TBX5: variants seen among roughly 807,000 people sequenced by gnomAD.
The protein encoded by TBX5 is T-box transcription factor 5, also known as T-box transcription factor TBX5.
Under a neutral mutation model 51.1 loss-of-function variants are expected in TBX5, and 8 were observed. That is an observed-to-expected ratio of 0.16 (90% CI 0.09 to 0.28). TBX5 has a LOEUF of 0.28. Ranked by LOEUF, TBX5 falls within the 10% of genes least tolerant of loss-of-function variation. The pLI, the probability that TBX5 is intolerant of heterozygous loss-of-function variation, is 1.00. For synonymous variants in TBX5, 302 were observed against 266.4 expected, an observed-to-expected ratio of 1.13 and a Z score of -1.30; for missense variants, 589 against 671.7, an observed-to-expected ratio of 0.88 and a Z score of 1.36.
At chr12:114,397,623 G>T (rs1895602) in intron 5 of TBX5, among the ~76,000 whole-genome samples, 60,498 of 151,950 alleles carry the variant, frequency 0.4, 13,558 homozygotes, top group Admixed American at 0.58. Flanking sequence ...CATTCTTTTG[G>T]GTGGTGAGCA....
intron 7 of TBX5, among the ~76,000 whole-genome samples, chr12:114,370,255 A>AAAGAAAAGAAAAGAAAAGAG: frequency 1.1e-5 from 1 of 94,370 alleles, no homozygotes; most frequent in Admixed American, 1.1e-4. Context: ...AAAGAAAAGA[A>AAAGAAAAGAAAAGAAAAGAG]AAGAAAAGAA....
intron 8 of TBX5, among the ~76,000 whole-genome samples, chr12:114,364,476 G>A (rs902943838): frequency 1.3e-5 from 2 of 152,148 alleles, no homozygotes; most frequent in African/African-American, 4.8e-5. Flanking sequence ...TTAAAAATGA[G>A]GCTTGGAAAG....
chr12:114,396,908 C>T (rs1448635484), intron 5 of TBX5, among the ~76,000 whole-genome samples: 4 of 152,172 alleles, frequency 2.6e-5, no homozygotes, highest in Non-Finnish European at 5.9e-5. Context: ...GCAAAACACC[C>T]GGGTTTAACA....
chr12:114,384,798 C>T (rs1376684505), intron 7 of TBX5, among the ~76,000 whole-genome samples: 5 of 151,680 alleles, frequency 3.3e-5, no homozygotes, highest in East Asian at 1.9e-4. Context: ...ATTTCTAATT[C>T]GCTTGCCATA....
intron 7 of TBX5, among the ~76,000 whole-genome samples, chr12:114,379,133 G>T (rs756711145): frequency 6.6e-6 from 1 of 152,090 alleles, no homozygotes; most frequent in African/African-American, 2.4e-5. Flanking sequence ...TTCCGTTACC[G>T]GTAGCCCAGC....
At chr12:114,401,169 A>C (rs1017712703) in intron 3 of TBX5, among the ~76,000 whole-genome samples, 1 of 152,174 alleles carries the variant, frequency 6.6e-6, no homozygotes, top group African/African-American at 2.4e-5. Context: ...TTTCTAGCTA[A>C]AACTCTGCGA....
rs772844823 is a variant in TBX5 at position 114,399,582 on chromosome 12, G to A, written c.293C>T (p.Thr98Met). ...AATGTCCATGAGAAGAATGTACTTC[G>A]TTTTGGGATTAAGGCCCGTCACCTT... ...KVKVTGLNPK[T>M]KYILLMDIVP... Residue 98 changes from threonine to methionine, a missense_variant, in exon 4 of 9, where the codon ACG becomes ATG. Physicochemically the swap from Thr to Met is moderately conservative, Grantham distance 81. Transcript: ENST00000405440. 10 of 1,614,018 alleles carry A rather than the reference G, an allele frequency of 6.2e-6. No homozygotes were observed. Among genetic ancestry groups the A allele is most frequent in the Non-Finnish European group, 7.6e-6 (9 of 1,180,034 alleles).
intron 2 of TBX5, 41 bp from the exon 3 acceptor site, chr12:114,401,961 A>G (rs1307623679): frequency 5.7e-6 from 9 of 1,565,932 alleles, no homozygotes; most frequent in Non-Finnish European, 6.2e-6. Context: ...AAGCCCTGGC[A>G]GTAGTGGGCA....
chr12:114,392,962 C>G (rs541406405), intron 6 of TBX5, among the ~76,000 whole-genome samples: 2 of 152,154 alleles, frequency 1.3e-5, no homozygotes, highest in Non-Finnish European at 2.9e-5. Flanking sequence ...TTTCCGAGGG[C>G]AGGAAGCTCT....
intron 5 of TBX5, among the ~76,000 whole-genome samples, chr12:114,395,357 G>A (rs117458194): frequency 6.6e-6 from 1 of 152,102 alleles, no homozygotes; most frequent in Non-Finnish European, 1.5e-5. Flanking sequence ...GGATGCAAGA[G>A]AAGATATCAA....
In TBX5 at chr12:114,405,950, C is replaced by G. The variant is rs1412837052; in HGVS notation, c.-361G>C. On this transcript the variant is annotated 5_prime_UTR_variant, in exon 1 of 9. Coordinates refer to ENST00000405440, the MANE Select transcript of TBX5 (RefSeq NM_181486.4). The stretch of plus-strand genomic sequence containing the variant: ...TCAGTGCCCCGCTCCTCCTTTACAC[C>G]CCCAGGGAGGGAAAGTTGGAAGCCC... 2.0e-6 allele frequency: 2 copies of G among 985,294 alleles called. No homozygotes were observed. The highest frequency in any genetic ancestry group is 3.5e-5 in the African/African-American group (2 of 57,200). 61.0% of individuals were successfully genotyped at this position (985,294 alleles called of 1,614,324 possible).
chr12:114,404,007 A>C (rs1443054284), intron 1 of TBX5, 71 bp from the exon 2 acceptor site: 1 of 1,506,054 alleles, frequency 6.6e-7, no homozygotes, highest in Non-Finnish European at 8.9e-7. Context: ...GTTGGAGAGC[A>C]CAATTCTAGT....
intron 5 of TBX5, among the ~76,000 whole-genome samples, chr12:114,397,158 A>G (rs1871477120): frequency 6.6e-6 from 1 of 151,932 alleles, no homozygotes; most frequent in Admixed American, 6.6e-5. Context: ...CGCCCCCTTG[A>G]CCAAATTCAT....
At chr12:114,367,651 A>G (rs1869624512) in intron 7 of TBX5, among the ~76,000 whole-genome samples, 1 of 143,974 alleles carries the variant, frequency 6.9e-6, no homozygotes, top group African/African-American at 2.5e-5. Context: ...GGAAGGTTGC[A>G]GAGGAGTAGA....
chr12:114,366,399 A>G lies in TBX5; in HGVS notation c.756-8T>C. The G allele has an allele frequency of 1.2e-6, 2 of 1,613,916 alleles. No individual in the cohort carries two copies. Among genetic ancestry groups the G allele is most frequent in the Non-Finnish European group, 1.7e-6 (2 of 1,179,946 alleles). ...ACCACGGGATATTCTTTACTGAAAG[A>G]GAAAAGATGGGAGATAACGCCTATC... On this transcript the variant is annotated splice_polypyrimidine_tract_variant and splice_region_variant and intron_variant, in intron 7 of 8. Coordinates refer to ENST00000405440, the MANE Select transcript of TBX5 (RefSeq NM_181486.4).
chr12:114,376,935 G>T (rs1281644632), intron 7 of TBX5, among the ~76,000 whole-genome samples: 1 of 152,014 alleles, frequency 6.6e-6, no homozygotes, highest in African/African-American at 2.4e-5. Context: ...GGGAAAGTGG[G>T]AATGTGGCGG....
chr12:114,368,544 C>T (rs1869683547), intron 7 of TBX5, among the ~76,000 whole-genome samples: 1 of 152,198 alleles, frequency 6.6e-6, no homozygotes, highest in South Asian at 2.1e-4. Flanking sequence ...GGAGATGAAG[C>T]AACTTGTTCA....
intron 3 of TBX5, among the ~76,000 whole-genome samples, chr12:114,399,838 C>T (rs1206937704): frequency 2.0e-5 from 3 of 152,154 alleles, no homozygotes; most frequent in African/African-American, 4.8e-5. Flanking sequence ...TAACAGCAGG[C>T]GGGCAACTGT....
intron 6 of TBX5, among the ~76,000 whole-genome samples, chr12:114,387,638 T>C (rs1463683209): frequency 1.3e-5 from 2 of 151,844 alleles, no homozygotes; most frequent in African/African-American, 4.8e-5. Flanking sequence ...ACACCAAGAG[T>C]GGGCCCTAAG....
Sources: allele counts gnomAD v4.1 joint callset (sites outside exome capture counted in the v4.1 genomes callset), GRCh38; gene constraint gnomAD v4.1.1; transcripts MANE v1.5; gene names NCBI Gene and HGNC (gene_info 2026-07-23, HGNC 2026-07-21).